Variants in IFT27 observed in about 807,000 individuals in gnomAD.
IFT27 encodes intraflagellar transport protein 27 homolog.
In IFT27, 19 loss-of-function variants were observed where a neutral mutation model predicts 23.9. That is an observed-to-expected ratio of 0.79 (90% CI 0.55 to 1.16). IFT27 has a LOEUF of 1.16. Among genes scored for constraint, IFT27 ranks in the 50% most tolerant of loss-of-function variants. IFT27 has a pLI of 0.00. For missense variants in IFT27, 206 were observed against 228.7 expected (o/e 0.90, Z 0.64); for synonymous variants, 91 against 89.1 (o/e 1.02, Z -0.12).
intron 6 of IFT27, chr22:36,761,403 A>T (rs1380824034): frequency 6.6e-6 from 1 of 152,218 alleles, no homozygotes; most frequent in East Asian, 1.9e-4. Context: ...GGAAAAGCTG[A>T]TTTGGGCTTC....
intron 6 of IFT27, chr22:36,759,815 G>A (rs1938032532): frequency 6.6e-6 from 1 of 152,240 alleles, no homozygotes; most frequent in African/African-American, 2.4e-5. Flanking sequence ...AGCGGGTGAA[G>A]CGGCCCAGCT....
chr22:36,771,228 G>C (rs575486819), intron 1 of IFT27, among the ~76,000 whole-genome samples: 21 of 152,254 alleles, frequency 1.4e-4, no homozygotes, highest in African/African-American at 5.1e-4. Flanking sequence ...AGCCCAAGAG[G>C]TGGTGCTCCT....
rs537237649 is a variant in IFT27, at chr22:36,758,350, C to G, written c.522G>C (p.Leu174=). The G allele has an allele frequency of 6.2e-7, 1 of 1,614,156 alleles. No individual in the cohort carries two copies. The highest frequency in any genetic ancestry group is 2.2e-5 in the East Asian group (1 of 44,882). Residue 174 remains leucine (L), a synonymous_variant, in exon 7 of 7, where the codon CTG becomes CTC. Coordinates refer to ENST00000433985, the MANE Select transcript of IFT27 (RefSeq NM_001177701.3). ...GGAAAACCTCCACCTTCTCCCGGTA[C>G]AGCTGGTGGAACTGCTTGGCAAGGC... The part of the protein sequence containing the change: ...FHCLAKQFHQ[L]YREKVEVFRA...
rs779826497 is a variant in IFT27, at chr22:36,762,989, T to C, written c.377A>G (p.Asp126Gly). The change falls in exon 6 of 7, where the codon GAC becomes GGC. Residue 126 changes from aspartate to glycine, a missense_variant. Coordinates refer to ENST00000433985, the MANE Select transcript of IFT27 (RefSeq NM_001177701.3). ...GTCCACTGCTCGTCTGCCGGCCAGG[T>C]CTGTCTTGTTCCCAACTAAAACACC... The part of the protein sequence containing the change: ...LPGVLVGNKT[D>G]LAGRRAVDSA... The C allele has an allele frequency of 1.2e-6, 2 of 1,602,212 alleles. No individual in the cohort carries two copies. Among genetic ancestry groups the C allele is most frequent in the East Asian group, 4.5e-5 (2 of 44,334 alleles).
At chr22:36,763,335 TA>T in intron 5 of IFT27, 1 of 285,614 alleles carries the variant, frequency 3.5e-6, no homozygotes, top group Non-Finnish European at 6.5e-6. Flanking sequence ...GCCTTTGTAA[TA>T]ATTCTGAGCA....
At chr22:36,772,569 C>T (rs1270977753) in intron 1 of IFT27, 15 of 984,998 alleles carry the variant, frequency 1.5e-5, no homozygotes, top group Non-Finnish European at 1.7e-5. Flanking sequence ...GGCATTTCCC[C>T]GCATCTGGCA....
intron 6 of IFT27, chr22:36,758,809 G>T: frequency 5.2e-6 from 1 of 193,280 alleles, no homozygotes; most frequent in Non-Finnish European, 1.1e-5. Context: ...TCCCGAAGAA[G>T]AGCTAGACAG....
rs764439472 is a variant in IFT27, at chr22:36,766,179, A to C, written c.193T>G (p.Ser65Ala). ...GDSVELFIFD[S>A]AGKELFSEML... ...TCCGAAAACAGCTCCTTGCCAGCAG[A>C]GTCAAAAATGAAGAGTTCCTACAAT... is the stretch of plus-strand genomic sequence containing the variant. The change falls in exon 4 of 7, where the codon TCT becomes GCT. Residue 65 changes from serine to alanine, a missense_variant. Transcript: ENST00000433985. The C allele has an allele frequency of 6.2e-7, 1 of 1,614,184 alleles. No homozygotes were observed. The highest frequency in any genetic ancestry group is 8.5e-7 in the Non-Finnish European group (1 of 1,180,026).
intron 1 of IFT27, among the ~76,000 whole-genome samples, chr22:36,774,009 T>G (rs1475700062): frequency 6.6e-6 from 1 of 151,946 alleles, no homozygotes; most frequent in Non-Finnish European, 1.5e-5. Context: ...AAAAAAAAAG[T>G]AACTTCAGAA....
chr22:36,772,953 C>T (rs1003647982), intron 1 of IFT27, among the ~76,000 whole-genome samples: 1 of 152,140 alleles, frequency 6.6e-6, no homozygotes, highest in Non-Finnish European at 1.5e-5. Flanking sequence ...GCTGTGGAAT[C>T]CCTGAAAAGA....
rs565127706 is a variant in IFT27, at chr22:36,772,570, G to A, written c.34+3104C>T. 28 of 985,014 alleles carry A rather than the reference G, an allele frequency of 2.8e-5. No individual in the cohort carries two copies. The East Asian group carries it at 5.7e-4, about 20-fold the overall frequency. 61.0% of individuals were successfully genotyped at this position (985,014 alleles called of 1,614,324 possible). On this transcript the variant is annotated intron_variant, in intron 1 of 6. Transcript: ENST00000433985. The stretch of plus-strand genomic sequence containing the variant: ...CAGCTGTGCCTGGAGGCATTTCCCC[G>A]CATCTGGCACACAAAGGGCATTCAC...
rs769937628 is a variant in IFT27, at chr22:36,766,146, C to A, written c.226G>T (p.Asp76Tyr). 3 of 1,613,944 alleles carry A rather than the reference C, an allele frequency of 1.9e-6. No individual in the cohort carries two copies. The highest frequency in any genetic ancestry group is 2.5e-6 in the Non-Finnish European group (3 of 1,179,926). Residue 76 changes from aspartate (D) to tyrosine (Y), a missense_variant, in exon 4 of 7, where the codon GAT (aspartate) becomes TAT (tyrosine). By Grantham distance (160) the Asp-to-Tyr change is radical (BLOSUM62 -3). Coordinates refer to ENST00000433985, the MANE Select transcript of IFT27 (RefSeq NM_001177701.3). ...GACCACGTGCTACTTGCCAATTTAT[C>A]CAGCATTTCCGAAAACAGCTCCTTG... ...AGKELFSEML[D>Y]KLWESPNVLC...
chr22:36,771,014 C>G (rs548994443), intron 1 of IFT27, among the ~76,000 whole-genome samples: 120 of 152,306 alleles, frequency 7.9e-4, no homozygotes, highest in African/African-American at 2.8e-3. Context: ...CAATGGCCTG[C>G]ACCCCAGCAG....
Position 36,758,290 on chromosome 22 carries a change from A to G in IFT27, c.*21T>C, listed in dbSNP as rs1321946024. ...GTAATTCTGTCTTCTCCGGTTGTGCAGCACGATCTGCTCCAGCTCGTCATG... is the reference window on the plus strand; with the variant it reads ...GTAATTCTGTCTTCTCCGGTTGTGCGGCACGATCTGCTCCAGCTCGTCATG... On this transcript the variant is annotated 3_prime_UTR_variant, in exon 7 of 7. Transcript: ENST00000433985. 3.2e-6 allele frequency: 5 copies of G among 1,577,280 alleles called. No homozygotes were observed. The highest frequency in any genetic ancestry group is 4.4e-6 in the Non-Finnish European group (5 of 1,146,318).
chr22:36,764,548 T>A (rs1000026886), intron 4 of IFT27, among the ~76,000 whole-genome samples: 3 of 152,258 alleles, frequency 2.0e-5, no homozygotes, highest in Non-Finnish European at 4.4e-5. Context: ...AAGTTACATT[T>A]TTGTGCTTTG....
At chr22:36,763,749 T>A (rs552884847) in intron 5 of IFT27, 170 bp downstream of exon 5, 1 of 698,410 alleles carries the variant, frequency 1.4e-6, no homozygotes, top group African/African-American at 1.8e-5. Context: ...GTGTGGTGAC[T>A]CACCGAGGTT....
intron 6 of IFT27, chr22:36,758,707 C>T (rs960152246): frequency 3.7e-5 from 13 of 352,944 alleles, no homozygotes; most frequent in Non-Finnish European, 5.8e-5. Flanking sequence ...AGTCACTGTA[C>T]GTGTGACGAG....
intron 1 of IFT27, among the ~76,000 whole-genome samples, chr22:36,775,317 A>G (rs1285132821): frequency 2.6e-5 from 4 of 152,158 alleles, no homozygotes; most frequent in South Asian, 2.1e-4. Context: ...GGGGTACAGT[A>G]TATGTTTAGC....
At position 36,768,332 on chromosome 22, in the gene IFT27, G is replaced by C. The variant is rs181695479; in HGVS notation, c.35-470C>G. ...CTGAATACTTTTTTGTGTGGGGCGTGGGGGGTGGAAGGGTCTCTGCATTTG... is the reference window on the plus strand; with the variant it reads ...CTGAATACTTTTTTGTGTGGGGCGTCGGGGGTGGAAGGGTCTCTGCATTTG... On this transcript the variant is annotated intron_variant, in intron 1 of 6. Coordinates refer to ENST00000433985, the MANE Select transcript of IFT27 (RefSeq NM_001177701.3). The C allele has an allele frequency of 2.3e-4, 78 of 341,040 alleles. 1 individual carries two copies. Among genetic ancestry groups the C allele is most frequent in the Middle Eastern group, 1.1e-3 (1 of 938 alleles). 21.1% of individuals were successfully genotyped at this position (341,040 alleles called of 1,614,324 possible).
Sources: gnomAD v4.1 joint callset for allele counts (sites outside exome capture counted in the v4.1 genomes callset) on GRCh38, gnomAD v4.1.1 for gene constraint, MANE v1.5 for transcripts, NCBI Gene and HGNC (gene_info 2026-07-23, HGNC 2026-07-21) for gene names.